KIAA1671: variants seen among roughly 807,000 people sequenced by gnomAD.
The protein encoded by KIAA1671 is uncharacterized protein KIAA1671.
A neutral mutation model predicts 131.2 loss-of-function variants in KIAA1671; 52 were observed. The observed-to-expected ratio is 0.40, with a 90% CI of 0.32 to 0.50. KIAA1671 has a LOEUF of 0.50. Ranked by LOEUF, KIAA1671 falls within the 20% of genes least tolerant of loss-of-function variation. The pLI is 0.73. For synonymous variants in KIAA1671, 1,003 were observed against 961.6 expected (o/e 1.04, Z -0.80); for missense variants, 2,360 against 2,364.2 (o/e 1.00, Z 0.04).
chr22:25,151,843 GT>G (rs1428362716), intron 6 of KIAA1671, among the ~76,000 whole-genome samples: 1 of 151,770 alleles, frequency 6.6e-6, no homozygotes, highest in Non-Finnish European at 1.5e-5. Context: ...GGTTCAAGCA[GT>G]TCTGGTGCTT....
intron 6 of KIAA1671, among the ~76,000 whole-genome samples, chr22:25,140,257 G>C (rs2145959069): frequency 6.6e-6 from 1 of 152,360 alleles, no homozygotes; most frequent in Non-Finnish European, 1.5e-5. Flanking sequence ...CTGGAGTCCA[G>C]CCTAGAGGCT....
chr22:25,103,201 C>T (rs1157039936), intron 6 of KIAA1671, among the ~76,000 whole-genome samples: 2 of 140,428 alleles, frequency 1.4e-5, no homozygotes, highest in African/African-American at 5.5e-5. Flanking sequence ...GGCAAGTCCC[C>T]CCCCAACCGC....
intron 6 of KIAA1671, among the ~76,000 whole-genome samples, chr22:25,081,577 AGGGCACCCCTGTTCTAACAACAG>A (rs1929409004): frequency 1.3e-5 from 2 of 151,304 alleles, no homozygotes; most frequent in Admixed American, 1.3e-4. Flanking sequence ...GAGGCACTAG[AGGGCACCCCTGTTCTAACAACAG>A]GGGTTAGATG....
intron 11 of KIAA1671, among the ~76,000 whole-genome samples, chr22:25,188,724 A>G (rs1002311857): frequency 6.6e-6 from 1 of 152,214 alleles, no homozygotes; most frequent in African/African-American, 2.4e-5. Flanking sequence ...CATAAGGAAG[A>G]GAAAATATAT....
intron 6 of KIAA1671, among the ~76,000 whole-genome samples, chr22:25,163,534 C>T (rs1046780203): frequency 6.7e-6 from 1 of 148,238 alleles, no homozygotes; most frequent in African/African-American, 2.5e-5. Context: ...CTCCGCTACC[C>T]GGGTTCAAGT....
In KIAA1671 at chr22:25,093,725, ACACACACACACACTCTCTCTCTCT is replaced by A. The variant is rs1930150166; in HGVS notation, c.4530+44363_4530+44386del. The stretch of plus-strand genomic sequence containing the variant: ...CACACACACACACACACACACACAC[ACACACACACACACTCTCTCTCTCT>A]CTCTCTCTCTCTCTCTCTGTCTCTC... On this transcript the variant is annotated intron_variant, in intron 6 of 12. Transcript: ENST00000358431. Among the ~76,000 whole-genome samples, 11 of 69,698 alleles carry A rather than the reference ACACACACACACACTCTCTCTCTCT, an allele frequency of 1.6e-4. 1 individual carries two copies. The highest frequency in any genetic ancestry group is 6.3e-3 in the Middle Eastern group (1 of 158). The allele number at this position is 69,698 out of a possible 152,430, so 45.7% of individuals were successfully genotyped here.
chr22:25,120,975 G>A lies in KIAA1671; in HGVS notation c.4531-49845G>A, dbSNP rs550620530. On this transcript the variant is annotated intron_variant, in intron 6 of 12. Transcript: ENST00000358431. Reference sequence around the variant, plus strand: ...GTCCCCGAGGTTTAAGTAAGCTCACGTTGCTTTCTGTGATCAGAAGGCCCC... The same window carrying A: ...GTCCCCGAGGTTTAAGTAAGCTCACATTGCTTTCTGTGATCAGAAGGCCCC... Among the ~76,000 whole-genome samples the A allele has an allele frequency of 9.2e-5, 14 of 152,274 alleles. No homozygotes were observed. The South Asian group carries it at 1.0e-3, about 11-fold the overall frequency.
chr22:24,956,174 CTT>C (rs1921689159), intron 1 of KIAA1671, among the ~76,000 whole-genome samples: 1 of 152,234 alleles, frequency 6.6e-6, no homozygotes, highest in Admixed American at 6.5e-5. Flanking sequence ...GAGCCACTCA[CTT>C]TGAAGATCCC....
At position 25,036,878 on chromosome 22, in the gene KIAA1671, C is replaced by T. The variant is rs999360632; in HGVS notation, c.1630-1882C>T. On this transcript the variant is annotated intron_variant, in intron 4 of 12. Transcript: ENST00000358431. ...GGCAGAGATTGCGGTGAGCCGAGAT[C>T]GCGCCATTGTACTCCAGCCTGGGTG... is the stretch of plus-strand genomic sequence containing the variant. Among the ~76,000 whole-genome samples the T allele has an allele frequency of 7.2e-5, 11 of 151,926 alleles. No homozygotes were observed. The South Asian group carries it at 2.1e-3, about 29-fold the overall frequency.
intron 6 of KIAA1671, chr22:25,064,488 G>A (rs1031578454): frequency 1.3e-5 from 2 of 152,184 alleles, no homozygotes; most frequent in Non-Finnish European, 2.9e-5. Flanking sequence ...GAAGGAGTGG[G>A]GGCCCAGAGA....
chr22:25,080,588 A>G (rs923131381), intron 6 of KIAA1671, among the ~76,000 whole-genome samples: 8 of 152,052 alleles, frequency 5.3e-5, no homozygotes, highest in Non-Finnish European at 1.0e-4. Context: ...TGGCTCTGTC[A>G]CCCAGGTTGG....
chr22:25,093,093 A>G (rs1004856309), intron 6 of KIAA1671, among the ~76,000 whole-genome samples: 1 of 152,212 alleles, frequency 6.6e-6, no homozygotes, highest in African/African-American at 2.4e-5. Context: ...TTCATTGAGC[A>G]CTTACTGTGT....
intron 6 of KIAA1671, among the ~76,000 whole-genome samples, chr22:25,082,923 A>C (rs1929488850): frequency 6.6e-6 from 1 of 152,236 alleles, no homozygotes; most frequent in Non-Finnish European, 1.5e-5. Context: ...ATATTGTTTT[A>C]ATATTTCATA....
intron 6 of KIAA1671, among the ~76,000 whole-genome samples, chr22:25,066,499 A>G (rs117157857): frequency 0.017 from 2,597 of 152,264 alleles, 37 homozygotes; most frequent in Non-Finnish European, 0.028. Flanking sequence ...TGGAGCTGTC[A>G]TGGCCTAATC....
chr22:25,130,943 G>T (rs1419078091), intron 6 of KIAA1671, among the ~76,000 whole-genome samples: 1 of 152,204 alleles, frequency 6.6e-6, no homozygotes, highest in Admixed American at 6.5e-5. Context: ...GCTCCTTGAG[G>T]TTTTTAATAT....
intron 6 of KIAA1671, among the ~76,000 whole-genome samples, chr22:25,130,270 A>G (rs902118447): frequency 6.6e-6 from 1 of 152,230 alleles, no homozygotes; most frequent in Non-Finnish European, 1.5e-5. Context: ...CGTGTAAGTC[A>G]CACCCTGTTA....
chr22:24,960,654 C>CTT (rs34901740), intron 1 of KIAA1671, among the ~76,000 whole-genome samples: 128 of 71,468 alleles, frequency 1.8e-3, no homozygotes, highest in African/African-American at 4.1e-3. Flanking sequence ...TTTTCAGGTT[C>CTT]TTTTTTTTTT....
chr22:25,164,978 C>CGTGTGTGTGTGTGTGTGTGTGTGT, intron 6 of KIAA1671, among the ~76,000 whole-genome samples: 1 of 116,584 alleles, frequency 8.6e-6, no homozygotes, highest in Non-Finnish European at 1.7e-5. Context: ...GAGTTGCAGG[C>CGTGTGTGTGTGTGTGTGTGTGTGT]GTGTGTGTGT....
chr22:25,049,049 C>T (rs2145819398), intron 5 of KIAA1671, 181 bp from the exon 6 acceptor site: 1 of 696,156 alleles, frequency 1.4e-6, no homozygotes, highest in East Asian at 2.8e-5. Flanking sequence ...TGAGGCTGGG[C>T]CACTGGAACC....
Sources: allele counts gnomAD v4.1 joint callset (sites outside exome capture counted in the v4.1 genomes callset), GRCh38; gene constraint gnomAD v4.1.1; transcripts MANE v1.5; gene names NCBI Gene and HGNC (gene_info 2026-07-23, HGNC 2026-07-21).